The following UPF3A variants were observed in gnomAD, a reference collection of about 807,000 sequenced individuals.
The protein encoded by UPF3A is UPF3A regulator of nonsense mediated mRNA decay.
A neutral mutation model predicts 53.5 loss-of-function variants in UPF3A; 42 were observed. The observed-to-expected ratio is 0.78, with a 90% confidence interval of 0.61 to 1.01. UPF3A has a LOEUF of 1.01. Ranked by LOEUF, UPF3A falls within the 50% of genes least tolerant of loss-of-function variation. UPF3A has a pLI of 0.00. For synonymous variants in UPF3A, 237 were observed against 225.3 expected (o/e 1.05, Z -0.47); for missense variants, 575 against 598.0 (o/e 0.96, Z 0.40).
intron 3 of UPF3A, chr13:114,286,081 G>T (rs1244480611): frequency 1.9e-6 from 1 of 519,512 alleles, no homozygotes; most frequent in Non-Finnish European, 3.3e-6. Context: ...TTTAAGTCTG[G>T]AGTTTGCCGT....
At chr13:114,297,469 G>A (rs750810054) in intron 7 of UPF3A, among the ~76,000 whole-genome samples, 7 of 152,052 alleles carry the variant, frequency 4.6e-5, no homozygotes, top group Non-Finnish European at 1.0e-4. Flanking sequence ...ACTAATACTT[G>A]TCTATGTCAG....
chr13:114,290,189 A>T (rs749083443), intron 5 of UPF3A, among the ~76,000 whole-genome samples: 14 of 151,946 alleles, frequency 9.2e-5, no homozygotes, highest in Non-Finnish European at 1.8e-4. Context: ...CTTCCCTACA[A>T]CCACTGTGCC....
At chr13:114,293,794 CATAG>C (rs1566751327) in intron 7 of UPF3A, among the ~76,000 whole-genome samples, 2 of 152,050 alleles carry the variant, frequency 1.3e-5, no homozygotes, top group African/African-American at 4.8e-5. Context: ...ATCATTGAAC[CATAG>C]ATTTGTTTCT....
intron 3 of UPF3A, chr13:114,283,983 A>C (rs2084393891): frequency 4.1e-6 from 4 of 985,438 alleles, no homozygotes; most frequent in Non-Finnish European, 4.8e-6. Flanking sequence ...AGTTCCTGTG[A>C]CTAGAAGCAA....
At chr13:114,285,733 A>G (rs1209998118) in intron 3 of UPF3A, 2 of 152,422 alleles carry the variant, frequency 1.3e-5, no homozygotes, top group African/African-American at 4.8e-5. Context: ...TTTCACCTGG[A>G]ATATTCTATA....
intron 8 of UPF3A, 39 bp from the exon 9 acceptor site, chr13:114,301,692 G>C (rs368070534): frequency 1.3e-6 from 2 of 1,580,970 alleles, no homozygotes; most frequent in African/African-American, 2.7e-5. Context: ...GCCAACCGGC[G>C]GTTTACTGCA....
rs778078710 is a variant in UPF3A, at chr13:114,291,764, A to C, written c.818A>C (p.Lys273Thr). Residue 273 changes from lysine (K) to threonine (T), a missense_variant, in exon 7 of 10, where the codon AAA becomes ACA. Lys to Thr is a moderately conservative substitution (Grantham distance 78, BLOSUM62 -1). Coordinates refer to ENST00000375299, the MANE Select transcript of UPF3A (RefSeq NM_023011.4). ...AAAAAAGAGACAGATAAACAGAAGAAAATTGCAGAGAAAGAAGTAAGGATT... is the reference window on the plus strand; with the variant it reads ...AAAAAAGAGACAGATAAACAGAAGACAATTGCAGAGAAAGAAGTAAGGATT... ...CKKKETDKQK[K>T]IAEKEVRIKL... 1.3e-6 allele frequency: 2 copies of C among 1,592,184 alleles called. No individual in the cohort carries two copies. The highest frequency in any genetic ancestry group is 1.7e-6 in the Non-Finnish European group (2 of 1,170,756).
intron 5 of UPF3A, among the ~76,000 whole-genome samples, chr13:114,288,500 A>C (rs2084952438): frequency 6.6e-6 from 1 of 152,184 alleles, no homozygotes; most frequent in Non-Finnish European, 1.5e-5. Flanking sequence ...CGCAGAGTGC[A>C]GGCTTGTGGG....
intron 2 of UPF3A, 65 bp downstream of exon 2, chr13:114,282,192 C>A: frequency 1.5e-6 from 2 of 1,319,420 alleles, no homozygotes; most frequent in Non-Finnish European, 2.1e-6. Context: ...GTGGCCGTCT[C>A]GTTGCCTTAC....
intron 7 of UPF3A, among the ~76,000 whole-genome samples, chr13:114,292,275 C>T (rs1252860035): frequency 2.7e-5 from 4 of 149,284 alleles, no homozygotes; most frequent in African/African-American, 1.0e-4. Context: ...TCAAGGCGTA[C>T]ACGTGCAGGT....
chr13:114,282,174 C>G (rs771266579), intron 2 of UPF3A, 47 bp downstream of exon 2: 2 of 1,471,018 alleles, frequency 1.4e-6, no homozygotes, highest in East Asian at 2.5e-5. Context: ...ACCCAGAGCT[C>G]GGCGGCGGTG....
In UPF3A at chr13:114,283,850, C is replaced by A. The variant is rs541977715; in HGVS notation, c.421+907C>A. The A allele has an allele frequency of 5.8e-5, 57 of 985,428 alleles. No homozygotes were observed. In the African/African-American group the frequency reaches 7.8e-4, roughly 14 times the overall value. The allele number at this position is 985,428 out of a possible 1,614,324, so 61.0% of individuals were successfully genotyped here. A position where few individuals can be genotyped will look rare whatever the true frequency, so the allele number is the denominator to read the frequency against. On this transcript the variant is annotated intron_variant, in intron 3 of 9. Coordinates refer to ENST00000375299, the MANE Select transcript of UPF3A (RefSeq NM_023011.4). Reference sequence around the variant, plus strand: ...ACCTTTCACAGCAAGTTGTTTTCTGCCCTCCCCTCCCCAGCCACCCTCTTC... The same window carrying A: ...ACCTTTCACAGCAAGTTGTTTTCTGACCTCCCCTCCCCAGCCACCCTCTTC...
At chr13:114,282,283 G>C in intron 2 of UPF3A, 156 bp downstream of exon 2, 1 of 832,088 alleles carries the variant, frequency 1.2e-6, no homozygotes, top group Non-Finnish European at 1.8e-6. Context: ...TGTCCGTTCC[G>C]TCAAAGAAAA....
intron 3 of UPF3A, 46 bp from the exon 4 acceptor site, chr13:114,286,256 T>C: frequency 8.7e-6 from 14 of 1,606,574 alleles, no homozygotes; most frequent in Non-Finnish European, 1.2e-5. Flanking sequence ...GAAATGAATG[T>C]AGTAGAATTT....
chr13:114,302,095 C>A, intron 9 of UPF3A, 70 bp downstream of exon 9: 2 of 1,385,790 alleles, frequency 1.4e-6, no homozygotes, highest in Non-Finnish European at 1.9e-6. Context: ...CTGACCATGT[C>A]ACCCCCACTT....
intron 8 of UPF3A, among the ~76,000 whole-genome samples, chr13:114,301,288 C>T (rs578182966): frequency 2.0e-5 from 3 of 151,974 alleles, no homozygotes; most frequent in South Asian, 2.1e-4. Context: ...AGTGAAACCC[C>T]GTCTCTACTA....
chr13:114,282,504 T>C (rs2139113577), intron 2 of UPF3A: 2 of 985,386 alleles, frequency 2.0e-6, no homozygotes, highest in East Asian at 1.1e-4. Flanking sequence ...CCGCAGCCAG[T>C]GCGGTTTTAA....
chr13:114,296,282 C>G (rs2086004377), intron 7 of UPF3A, among the ~76,000 whole-genome samples: 2 of 152,138 alleles, frequency 1.3e-5, no homozygotes, highest in African/African-American at 4.8e-5. Flanking sequence ...ACTCAGGAGG[C>G]TGAGGCAGAA....
At chr13:114,283,067 G>C (rs1272741681) in intron 3 of UPF3A, 124 bp downstream of exon 3, 2 of 752,284 alleles carry the variant, frequency 2.7e-6, no homozygotes, top group Non-Finnish European at 4.1e-6. Context: ...CTGTTGCCCA[G>C]GCTGGAGTGC....
Sources: gnomAD v4.1 joint callset for allele counts (sites outside exome capture counted in the v4.1 genomes callset) on GRCh38, gnomAD v4.1.1 for gene constraint, MANE v1.5 for transcripts, NCBI Gene and HGNC (gene_info 2026-07-23, HGNC 2026-07-21) for gene names.